Variants in GSR observed in about 807,000 individuals in gnomAD.
GSR encodes the protein glutathione-disulfide reductase, also known as glutathione reductase, mitochondrial.
GSR carries 48 observed loss-of-function variants against 56.5 expected under a neutral mutation model. That is an observed-to-expected ratio of 0.85 (90% CI 0.67 to 1.08). The LOEUF is 1.08. GSR is among the 50% of genes least tolerant of loss of function. The pLI is 0.00. For missense variants in GSR, 694 were observed against 703.3 expected, an observed-to-expected ratio of 0.99 and a Z score of 0.15; for synonymous variants, 264 against 270.8, an observed-to-expected ratio of 0.97 and a Z score of 0.25.
At chr8:30,707,888 C>T (rs1200096773) in intron 4 of GSR, among the ~76,000 whole-genome samples, 184 bp downstream of exon 4, 5 of 151,168 alleles carry the variant, frequency 3.3e-5, no homozygotes, top group African/African-American at 9.7e-5. Context: ...ACTCAGGAGG[C>T]GGAGGTTGCA....
Position 30,679,247 on chromosome 8 carries a change from G to T in GSR, c.*273C>A. The T allele has an allele frequency of 2.6e-6, 1 of 383,378 alleles. No individual in the cohort carries two copies. The highest frequency in any genetic ancestry group is 4.7e-6 in the Non-Finnish European group (1 of 214,428). 23.7% of individuals were successfully genotyped at this position (383,378 alleles called of 1,614,324 possible). Reference sequence around the variant, plus strand: ...TTATATTTGGGATGAGGCTAAAACAGAAAAAAAAAACTAGCACAGAGCTGT... The same window carrying T: ...TTATATTTGGGATGAGGCTAAAACATAAAAAAAAAACTAGCACAGAGCTGT... On this transcript the variant is annotated 3_prime_UTR_variant, in exon 13 of 13. Coordinates refer to ENST00000221130, the MANE Select transcript of GSR (RefSeq NM_000637.5).
Position 30,693,314 on chromosome 8 carries a change from C to T in GSR, c.796-259G>A, listed in dbSNP as rs568040909. Among the ~76,000 whole-genome samples, 12 of 152,280 alleles carry T rather than the reference C, an allele frequency of 7.9e-5. No homozygotes were observed. The South Asian group carries it at 2.5e-3, about 32-fold the overall frequency. On this transcript the variant is annotated intron_variant, in intron 7 of 12. Coordinates refer to ENST00000221130, the MANE Select transcript of GSR (RefSeq NM_000637.5). The stretch of plus-strand genomic sequence containing the variant: ...TGTCCACTGTCTTCTCCTCACAAAG[C>T]TTGCTTCTCTTTTCCTTAAGTCCAG...
intron 1 of GSR, among the ~76,000 whole-genome samples, chr8:30,720,598 C>T (rs1322786274): frequency 6.6e-6 from 1 of 151,912 alleles, no homozygotes; most frequent in Non-Finnish European, 1.5e-5. Context: ...ATATCCATGT[C>T]TCCACCTTCA....
chr8:30,693,209 C>T (rs560427762), intron 7 of GSR, among the ~76,000 whole-genome samples, 154 bp from the exon 8 acceptor site: 1 of 152,232 alleles, frequency 6.6e-6, no homozygotes, highest in East Asian at 1.9e-4. Flanking sequence ...AATAAATTCC[C>T]TATTTTCCTA....
intron 3 of GSR, 63 bp downstream of exon 3, chr8:30,709,751 G>A: frequency 1.1e-6 from 1 of 914,540 alleles, no homozygotes. Flanking sequence ...AAAGTTTATG[G>A]CTCAGTTATA....
At chr8:30,719,286 T>C (rs79356363) in intron 1 of GSR, among the ~76,000 whole-genome samples, 2 of 142,380 alleles carry the variant, frequency 1.4e-5, no homozygotes, top group African/African-American at 5.0e-5. Context: ...TTTTTTTTTT[T>C]TATGTATTTT....
In GSR at chr8:30,681,880, G is replaced by T. The variant is rs767960625; in HGVS notation, c.1285+50C>A. On this transcript the variant is annotated intron_variant, in intron 11 of 12. Transcript: ENST00000221130. ...GAGACCTAATTTAAAGTTGGGGGCA[G>T]GGGAAAGAGGAAGGAAACCACAAAT... is the stretch of plus-strand genomic sequence containing the variant. 5.1e-6 allele frequency: 8 copies of T among 1,579,242 alleles called. No homozygotes were observed. In the South Asian group the frequency reaches 8.9e-5, roughly 17 times the overall value.
intron 11 of GSR, 151 bp downstream of exon 11, chr8:30,681,779 G>T: frequency 1.4e-6 from 1 of 730,130 alleles, no homozygotes; most frequent in African/African-American, 1.7e-5. Context: ...TAGCAGGGGA[G>T]AAAACTGGAA....
chr8:30,703,234 T>C lies in GSR; in HGVS notation c.499A>G (p.Ile167Val). 6 of 1,613,970 alleles carry C rather than the reference T, an allele frequency of 3.7e-6. No individual in the cohort carries two copies. The highest frequency in any genetic ancestry group is 5.1e-6 in the Non-Finnish European group (6 of 1,179,846). ...IYQNNLTKSH[I>V]EIIRGHAAFT... is the part of the protein sequence containing the mutation. ...GCTGCATGGCCACGGATGATTTCTA[T>C]ATGGGACTAAAGAAGGAACCATGAC... Residue 167 changes from isoleucine to valine, a missense_variant, in exon 5 of 13, where the codon ATA (isoleucine) becomes GTA (valine). Physicochemically the swap from Ile to Val is conservative, Grantham distance 29. Coordinates refer to ENST00000221130, the MANE Select transcript of GSR (RefSeq NM_000637.5).
intron 8 of GSR, 128 bp from the exon 9 acceptor site, chr8:30,689,447 AAGATAG>A (rs1484318320): frequency 3.7e-6 from 3 of 818,176 alleles, no homozygotes; most frequent in Non-Finnish European, 6.3e-6. Context: ...CCCACATACA[AAGATAG>A]ACATAAACTT....
chr8:30,703,376 T>A, intron 4 of GSR, 136 bp from the exon 5 acceptor site: 1 of 873,506 alleles, frequency 1.1e-6, no homozygotes, highest in South Asian at 1.4e-5. Context: ...TCTCCGTTTT[T>A]CAAGTTTCTG....
intron 8 of GSR, among the ~76,000 whole-genome samples, chr8:30,689,781 T>A (rs1803299138): frequency 6.9e-6 from 1 of 144,010 alleles, no homozygotes; most frequent in African/African-American, 2.5e-5. Context: ...CATATATATA[T>A]AAAATAAATA....
chr8:30,718,232 G>A (rs191660431), intron 1 of GSR, among the ~76,000 whole-genome samples: 1 of 152,270 alleles, frequency 6.6e-6, no homozygotes, highest in East Asian at 1.9e-4. Flanking sequence ...GGTTCCTGGT[G>A]CCAAAAAGGC....
At chr8:30,695,072 A>G (rs1803501578) in intron 7 of GSR, among the ~76,000 whole-genome samples, 1 of 151,990 alleles carries the variant, frequency 6.6e-6, no homozygotes. Flanking sequence ...CTTAAAAAAA[A>G]AAAAAATTTC....
At chr8:30,697,916 C>T (rs1803605521) in intron 6 of GSR, among the ~76,000 whole-genome samples, 1 of 152,054 alleles carries the variant, frequency 6.6e-6, no homozygotes, top group Non-Finnish European at 1.5e-5. Context: ...GTTTCAAACT[C>T]CTGGGCTCAA....
intron 7 of GSR, among the ~76,000 whole-genome samples, chr8:30,693,970 C>G (rs377353405): frequency 5.9e-5 from 9 of 152,256 alleles, no homozygotes; most frequent in African/African-American, 1.9e-4. Flanking sequence ...AGAATTACCC[C>G]CTTTATTGAC....
intron 1 of GSR, among the ~76,000 whole-genome samples, 174 bp downstream of exon 1, chr8:30,727,356 C>CCT (rs1477742807): frequency 6.6e-6 from 1 of 152,226 alleles, no homozygotes; most frequent in Admixed American, 6.5e-5. Context: ...CCCCCGGACG[C>CCT]CTCTCTCTCC....
Position 30,679,653 on chromosome 8 carries a change from A to G in GSR, c.1436T>C (p.Met479Thr), listed in dbSNP as rs1384286643. The change falls in exon 13 of 13, where the codon ATG becomes ACG. Residue 479 changes from methionine (M) to threonine (T), a missense_variant. Physicochemically the swap from Met to Thr is moderately conservative, Grantham distance 81. Coordinates refer to ENST00000221130, the MANE Select transcript of GSR (RefSeq NM_000637.5). ...CATTTCATCACACCCAAGTCCCTGC[A>G]TATGGATCCCAACCACCTGGGAAAA... ...NKEEKVVGIHMQGLGCDEMLQ... is the reference protein window; with the variant it reads ...NKEEKVVGIHTQGLGCDEMLQ... 1.3e-5 allele frequency: 21 copies of G among 1,613,638 alleles called. No individual in the cohort carries two copies. The highest frequency in any genetic ancestry group is 1.8e-5 in the Non-Finnish European group (21 of 1,179,842).
rs3077101 is a variant in GSR, at chr8:30,720,671, G to GAAA, written c.306+6856_306+6858dup. 2.7e-3 allele frequency among the ~76,000 whole-genome samples: 395 copies of GAAA among 148,498 alleles called. 3 individuals are homozygous for GAAA. The highest frequency in any genetic ancestry group is 0.012 in the East Asian group (63 of 5,092). ...GGAGGCATCAAACTTGAGAAAAAGA[G>GAAA]AAAAAAAAAAGCAGTCTGTGTAAAG... On this transcript the variant is annotated intron_variant, in intron 1 of 12. Coordinates refer to ENST00000221130, the MANE Select transcript of GSR (RefSeq NM_000637.5).
Sources: allele counts gnomAD v4.1 joint callset (sites outside exome capture counted in the v4.1 genomes callset), GRCh38; gene constraint gnomAD v4.1.1; transcripts MANE v1.5; gene names NCBI Gene and HGNC (gene_info 2026-07-23, HGNC 2026-07-21).